The following LRFN5 variants were observed in gnomAD, a reference collection of about 807,000 sequenced individuals.
LRFN5 encodes the protein leucine-rich repeat and fibronectin type-III domain-containing protein 5.
A neutral mutation model predicts 45.6 loss-of-function variants in LRFN5; 24 were observed. The observed-to-expected ratio is 0.53, with a 90% CI of 0.38 to 0.74. The LOEUF is 0.74. Among genes scored for constraint, LRFN5 ranks in the 30% least tolerant of loss-of-function variants. The pLI is 0.00. For synonymous variants in LRFN5, 340 were observed against 313.8 expected, an observed-to-expected ratio of 1.08 and a Z score of -0.88; for missense variants, 776 against 861.5, an observed-to-expected ratio of 0.90 and a Z score of 1.24.
intron 2 of LRFN5, among the ~76,000 whole-genome samples, chr14:41,876,810 C>T (rs772231105): frequency 1.4e-4 from 21 of 152,076 alleles, no homozygotes; most frequent in African/African-American, 2.2e-4. Context: ...TGTTTTTACC[C>T]GCAGCATCCT....
intron 5 of LRFN5, among the ~76,000 whole-genome samples, chr14:41,902,246 G>A (rs915902576): frequency 1.3e-5 from 2 of 151,630 alleles, no homozygotes; most frequent in African/African-American, 4.8e-5. Context: ...TCTTAAATGA[G>A]GACAATAACC....
At chr14:41,739,868 AATC>A (rs1185854718) in intron 1 of LRFN5, among the ~76,000 whole-genome samples, 1 of 152,054 alleles carries the variant, frequency 6.6e-6, no homozygotes, top group Non-Finnish European at 1.5e-5. Context: ...AAATGGAAGG[AATC>A]ATAACTGATA....
intron 1 of LRFN5, among the ~76,000 whole-genome samples, chr14:41,670,612 G>T (rs558659709): frequency 1.3e-5 from 2 of 151,628 alleles, no homozygotes; most frequent in East Asian, 3.9e-4. Flanking sequence ...TGAACCTTTT[G>T]GCCTCTGAAT....
At chr14:41,636,767 C>G (rs1336013931) in intron 1 of LRFN5, among the ~76,000 whole-genome samples, 2 of 152,058 alleles carry the variant, frequency 1.3e-5, no homozygotes, top group Non-Finnish European at 2.9e-5. Flanking sequence ...TTATTACTTA[C>G]AGATAAGCAG....
intron 2 of LRFN5, among the ~76,000 whole-genome samples, chr14:41,824,025 A>AT (rs930251171): frequency 2.0e-5 from 3 of 151,744 alleles, no homozygotes. Context: ...AACTCTGTTC[A>AT]TTTTTTTAAG....
intron 2 of LRFN5, among the ~76,000 whole-genome samples, chr14:41,848,423 C>T (rs1246567537): frequency 3.3e-5 from 5 of 151,682 alleles, no homozygotes; most frequent in Non-Finnish European, 4.4e-5. Flanking sequence ...CATTTTGAAC[C>T]GTAAAAGAGA....
intron 2 of LRFN5, among the ~76,000 whole-genome samples, chr14:41,793,313 C>T (rs566240340): frequency 1.2e-3 from 189 of 152,118 alleles, no homozygotes; most frequent in African/African-American, 4.3e-3. Context: ...ATGTAAGGCA[C>T]ACAGGTTGGA....
chr14:41,804,973 G>A (rs906101057), intron 2 of LRFN5, among the ~76,000 whole-genome samples: 1 of 151,860 alleles, frequency 6.6e-6, no homozygotes, highest in African/African-American at 2.4e-5. Context: ...GCTATTAATT[G>A]TAAATATCTT....
chr14:41,728,103 G>C (rs572685777), intron 1 of LRFN5, among the ~76,000 whole-genome samples: 2 of 152,078 alleles, frequency 1.3e-5, no homozygotes, highest in Non-Finnish European at 2.9e-5. Flanking sequence ...TATCACTCCT[G>C]TTGGGGGTGG....
chr14:41,760,088 A>G (rs1415595935), intron 1 of LRFN5, among the ~76,000 whole-genome samples: 1 of 152,162 alleles, frequency 6.6e-6, no homozygotes, highest in Admixed American at 6.6e-5. Context: ...TACCAATTTT[A>G]TATGTATTTG....
At chr14:41,649,624 A>C (rs752260569) in intron 1 of LRFN5, among the ~76,000 whole-genome samples, 5 of 152,056 alleles carry the variant, frequency 3.3e-5, no homozygotes, top group Non-Finnish European at 7.4e-5. Context: ...CCCATCCTCA[A>C]TATCTGATCA....
At chr14:41,847,933 A>G (rs1889126171) in intron 2 of LRFN5, among the ~76,000 whole-genome samples, 1 of 152,156 alleles carries the variant, frequency 6.6e-6, no homozygotes, top group Non-Finnish European at 1.5e-5. Context: ...CCAAGAAAAT[A>G]AAAGATCAAA....
At chr14:41,684,230 G>A (rs968064840) in intron 1 of LRFN5, among the ~76,000 whole-genome samples, 5 of 152,114 alleles carry the variant, frequency 3.3e-5, no homozygotes, top group South Asian at 4.1e-4. Context: ...CTGGGTATCC[G>A]TATACAGAAA....
chr14:41,904,263 G>A lies in LRFN5; in HGVS notation c.*88G>A. 6.8e-7 allele frequency: 1 copy of A among 1,463,562 alleles called. No homozygotes were observed. Among genetic ancestry groups the A allele is most frequent in the East Asian group, 2.3e-5 (1 of 44,118 alleles). 90.7% of individuals were successfully genotyped at this position (1,463,562 alleles called of 1,614,324 possible). A position where few individuals can be genotyped will look rare whatever the true frequency, so the allele number is the denominator to read the frequency against. On this transcript the variant is annotated 3_prime_UTR_variant, in exon 6 of 6. Coordinates refer to ENST00000298119, the MANE Select transcript of LRFN5 (RefSeq NM_152447.5). ...TTCAAAAATGTTTCAATTCACAAAG[G>A]CTAATTGTTGAACTGGTGTCGTAGA... is the stretch of plus-strand genomic sequence containing the variant.
chr14:41,736,548 C>G (rs1183355251), intron 1 of LRFN5, among the ~76,000 whole-genome samples: 2 of 152,078 alleles, frequency 1.3e-5, no homozygotes, highest in Non-Finnish European at 2.9e-5. Flanking sequence ...TACACATTGC[C>G]TGTTCACTTC....
At chr14:41,753,281 T>A (rs8017972) in intron 1 of LRFN5, among the ~76,000 whole-genome samples, 114,743 of 151,084 alleles carry the variant, frequency 0.76, 43,975 homozygotes, top group East Asian at 0.97. Flanking sequence ...ACTTTAAAGT[T>A]GTTTTCTCCA....
At chr14:41,654,205 A>T (rs1232358053) in intron 1 of LRFN5, among the ~76,000 whole-genome samples, 1 of 151,780 alleles carries the variant, frequency 6.6e-6, no homozygotes, top group African/African-American at 2.4e-5. Context: ...AATAATAATA[A>T]AAAAAAAGAA....
At chr14:41,842,082 T>C (rs1444001910) in intron 2 of LRFN5, among the ~76,000 whole-genome samples, 4 of 152,066 alleles carry the variant, frequency 2.6e-5, no homozygotes, top group Non-Finnish European at 4.4e-5. Context: ...GGACTAATTA[T>C]ACCACACAAT....
intron 1 of LRFN5, among the ~76,000 whole-genome samples, chr14:41,659,758 A>G (rs895065613): frequency 1.3e-5 from 2 of 152,062 alleles, no homozygotes; most frequent in Non-Finnish European, 2.9e-5. Flanking sequence ...CTGGCGTGAG[A>G]TGATATCTCA....
Sources: allele counts gnomAD v4.1 joint callset (sites outside exome capture counted in the v4.1 genomes callset), GRCh38; gene constraint gnomAD v4.1.1; transcripts MANE v1.5; gene names NCBI Gene and HGNC (gene_info 2026-07-23, HGNC 2026-07-21).